Variants in RBFOX3 observed in about 807,000 individuals in gnomAD.
RBFOX3 encodes the protein RNA binding protein fox-1 homolog 3.
In RBFOX3, 17 loss-of-function variants were observed where a neutral mutation model predicts 48.7. The ratio of observed to expected loss-of-function variants is 0.35; its 90% CI spans 0.24 to 0.52. The LOEUF (loss-of-function observed/expected upper bound fraction) is 0.52, where lower values mean the gene tolerates loss of function less well. Ranked by LOEUF, RBFOX3 falls within the 20% of genes least tolerant of loss-of-function variation. The pLI is 0.94. For synonymous variants in RBFOX3, 212 were observed against 209.5 expected, an observed-to-expected ratio of 1.01 and a Z score of -0.10; for missense variants, 382 against 497.5, an observed-to-expected ratio of 0.77 and a Z score of 2.21.
chr17:79,094,550 G>A, intron 13 of RBFOX3, 21 bp from the exon 14 acceptor site: 2 of 987,160 alleles, frequency 2.0e-6, no homozygotes, highest in Non-Finnish European at 2.8e-6. Flanking sequence ...GCGTGGGAGG[G>A]GGAGTGGGAG....
At chr17:79,395,184 T>G (rs1410039728) in intron 2 of RBFOX3, among the ~76,000 whole-genome samples, 1 of 152,244 alleles carries the variant, frequency 6.6e-6, no homozygotes, top group Non-Finnish European at 1.5e-5. Flanking sequence ...TTAGTCCCTT[T>G]GTTTCATTTG....
At chr17:79,239,924 T>C (rs1469243877) in intron 3 of RBFOX3, among the ~76,000 whole-genome samples, 1 of 152,236 alleles carries the variant, frequency 6.6e-6, no homozygotes, top group Admixed American at 6.5e-5. Context: ...GGATGTGCAT[T>C]TATCCACCTG....
At chr17:79,557,233 A>C (rs1479227829) in intron 1 of RBFOX3, among the ~76,000 whole-genome samples, 1 of 123,726 alleles carries the variant, frequency 8.1e-6, no homozygotes, top group African/African-American at 2.6e-5. Context: ...CTCAAAAAAA[A>C]AAAAAAAAAA....
chr17:79,392,393 A>G lies in RBFOX3; in HGVS notation c.-174-84569T>C, dbSNP rs1273536808. Among the ~76,000 whole-genome samples the G allele has an allele frequency of 1.3e-5, 2 of 152,164 alleles. No individual in the cohort carries two copies. The highest frequency in any genetic ancestry group is 2.9e-5 in the Non-Finnish European group (2 of 68,036). On this transcript the variant is annotated intron_variant, in intron 2 of 14. Transcript: ENST00000693108. The surrounding 1 kb of genome is among the most constrained non-coding windows in gnomAD (Gnocchi z 5.0). Reference sequence around the variant, plus strand: ...CATTGTGGAGTTGTGAAGATTCATAAGCTAACTCTCACACGGTAGTGAGCG... The same window carrying G: ...CATTGTGGAGTTGTGAAGATTCATAGGCTAACTCTCACACGGTAGTGAGCG...
chr17:79,394,456 T>A (rs79982208), intron 2 of RBFOX3, among the ~76,000 whole-genome samples: 1 of 152,144 alleles, frequency 6.6e-6, no homozygotes, highest in Admixed American at 6.5e-5. Flanking sequence ...CTGGCTTCTA[T>A]GTCCACCCTA....
rs1399798444 is a variant in RBFOX3, at chr17:79,362,929, A to C, written c.-174-55105T>G. The stretch of plus-strand genomic sequence containing the variant: ...GTCCCACTCCCCAATCTATATCCCC[A>C]AATGCTGGTGATGTCCTGTCCTGAG... On this transcript the variant is annotated intron_variant, in intron 2 of 14. Transcript: ENST00000693108. The surrounding 1 kb of genome is among the most constrained non-coding windows in gnomAD (Gnocchi z 4.2). Among the ~76,000 whole-genome samples, 1 of 152,184 alleles carries C rather than the reference A, an allele frequency of 6.6e-6. No homozygotes were observed. Among genetic ancestry groups the C allele is most frequent in the African/African-American group, 2.4e-5 (1 of 41,456 alleles).
intron 4 of RBFOX3, among the ~76,000 whole-genome samples, chr17:79,230,105 T>C (rs2060828084): frequency 1.3e-5 from 2 of 151,798 alleles, no homozygotes; most frequent in Non-Finnish European, 2.9e-5. Flanking sequence ...GCAAGGGGGG[T>C]GCCGCCCAGA....
At chr17:79,161,795 A>G (rs539841754) in intron 4 of RBFOX3, among the ~76,000 whole-genome samples, 50 of 152,144 alleles carry the variant, frequency 3.3e-4, no homozygotes, top group Middle Eastern at 6.8e-3. Context: ...GGGTTTCACC[A>G]TGTTGGCCAG....
intron 2 of RBFOX3, among the ~76,000 whole-genome samples, chr17:79,419,157 C>A (rs1555720687): frequency 6.6e-6 from 1 of 152,170 alleles, no homozygotes; most frequent in Admixed American, 6.5e-5. Context: ...GGCTGCCCGG[C>A]CATGCCTGTG....
Position 79,094,451 on chromosome 17 carries a change from C to T in RBFOX3, c.1077G>A (p.Met359Ile). The change falls in exon 14 of 15, where the codon ATG (methionine) becomes ATA (isoleucine). Residue 359 changes from methionine to isoleucine, a missense_variant and splice_region_variant. Transcript: ENST00000693108. ...GGCTGGGCGGGCCTGGGCTCCTTAC[C>T]ATGGTTCCAATGCTGTAGGTCGCCG... is the stretch of plus-strand genomic sequence containing the variant. ...GPAATYSIGT[M>I] 1 of 1,496,710 alleles carries T rather than the reference C, an allele frequency of 6.7e-7. No homozygotes were observed. Among genetic ancestry groups the T allele is most frequent in the Non-Finnish European group, 8.9e-7 (1 of 1,124,750 alleles). 92.7% of individuals were successfully genotyped at this position (1,496,710 alleles called of 1,614,324 possible). A position where few individuals can be genotyped will look rare whatever the true frequency, so the allele number is the denominator to read the frequency against.
chr17:79,196,373 ACT>A (rs1235662884), intron 4 of RBFOX3, among the ~76,000 whole-genome samples: 2 of 152,084 alleles, frequency 1.3e-5, no homozygotes, highest in African/African-American at 2.4e-5. Context: ...CACCCGTGGG[ACT>A]CTGAGCGAGC....
At chr17:79,164,386 A>C (rs73410063) in intron 4 of RBFOX3, among the ~76,000 whole-genome samples, 26,467 of 152,132 alleles carry the variant, frequency 0.17, 3,529 homozygotes, top group African/African-American at 0.37. Flanking sequence ...CCCCCAAGAT[A>C]CAGGTGCTGG....
the RBFOX3 span, among the ~76,000 whole-genome samples, chr17:79,621,412 G>A: frequency 3.3e-5 from 5 of 150,992 alleles, no homozygotes; most frequent in African/African-American, 4.9e-5. Flanking sequence ...CAAAGCCAAC[G>A]ATACCCAGCG....
chr17:79,360,433 G>A (rs530342267), intron 2 of RBFOX3, among the ~76,000 whole-genome samples: 66 of 152,276 alleles, frequency 4.3e-4, no homozygotes, highest in African/African-American at 1.4e-3. Flanking sequence ...CCCGCCAAGC[G>A]CCGCACCCTG....
intron 3 of RBFOX3, among the ~76,000 whole-genome samples, chr17:79,285,468 C>T (rs912520358): frequency 6.6e-6 from 1 of 152,178 alleles, no homozygotes; most frequent in African/African-American, 2.4e-5. Context: ...CTTCAATTAA[C>T]ACAGGCTCCA....
intron 2 of RBFOX3, among the ~76,000 whole-genome samples, chr17:79,462,290 C>T (rs2075471142): frequency 6.6e-6 from 1 of 152,232 alleles, no homozygotes; most frequent in South Asian, 2.1e-4. Flanking sequence ...CCCAGCTCTG[C>T]CACCAAGGCA....
At chr17:79,619,983 A>G in the RBFOX3 span, among the ~76,000 whole-genome samples, 312 of 152,334 alleles carry the variant, frequency 2.0e-3, 3 homozygotes, top group African/African-American at 7.0e-3. Context: ...CCACACGCGC[A>G]CACACGCACA....
chr17:79,182,384 T>C (rs1046313314), intron 4 of RBFOX3, among the ~76,000 whole-genome samples: 11 of 152,240 alleles, frequency 7.2e-5, no homozygotes, highest in African/African-American at 2.6e-4. Context: ...GGCCAGGGTA[T>C]TGAAGCCCGG....
At chr17:79,640,335 T>C in the RBFOX3 span, among the ~76,000 whole-genome samples, 1 of 152,156 alleles carries the variant, frequency 6.6e-6, no homozygotes, top group African/African-American at 2.4e-5. Context: ...ACATCCTGTG[T>C]TCATGGATTG....
Sources: allele counts gnomAD v4.1 joint callset (sites outside exome capture counted in the v4.1 genomes callset), GRCh38; gene constraint gnomAD v4.1.1; non-coding constraint Gnocchi (gnomAD v3.1); transcripts MANE v1.5; gene names NCBI Gene and HGNC (gene_info 2026-07-23, HGNC 2026-07-21).